The following KLHL1 variants were observed in gnomAD, a reference collection of about 807,000 sequenced individuals.
KLHL1 encodes kelch-like protein 1.
Under a neutral mutation model 77.7 loss-of-function variants are expected in KLHL1, and 47 were observed. That is an observed-to-expected ratio of 0.60 (90% confidence interval 0.48 to 0.77). The LOEUF (loss-of-function observed/expected upper bound fraction) is 0.77. Ranked by LOEUF, KLHL1 falls within the 30% of genes least tolerant of loss-of-function variation. KLHL1 has a pLI of 0.00. For missense variants in KLHL1, 925 were observed against 910.8 expected, an observed-to-expected ratio of 1.02 and a Z score of -0.20; for synonymous variants, 360 against 325.2, an observed-to-expected ratio of 1.11 and a Z score of -1.15.
At chr13:69,793,254 A>T (rs1267858393) in intron 7 of KLHL1, among the ~76,000 whole-genome samples, 1 of 152,104 alleles carries the variant, frequency 6.6e-6, no homozygotes, top group African/African-American at 2.4e-5. Context: ...ATATAGAATT[A>T]TATGCTTAAA....
chr13:69,993,352 A>G (rs1368392625), intron 1 of KLHL1, among the ~76,000 whole-genome samples: 2 of 151,938 alleles, frequency 1.3e-5, no homozygotes, highest in African/African-American at 4.8e-5. Flanking sequence ...TCTTCATTTA[A>G]CTCCAAATGA....
intron 1 of KLHL1, among the ~76,000 whole-genome samples, chr13:70,065,357 T>G (rs552953679): frequency 9.9e-5 from 15 of 152,256 alleles, no homozygotes; most frequent in Non-Finnish European, 1.5e-4. Context: ...CAACTCCAGA[T>G]TCTTAGTCAA....
intron 7 of KLHL1, among the ~76,000 whole-genome samples, chr13:69,792,726 T>C (rs1038264037): frequency 5.9e-5 from 9 of 152,138 alleles, no homozygotes; most frequent in African/African-American, 2.2e-4. Context: ...AATATCGATA[T>C]ACACTACCTG....
intron 5 of KLHL1, among the ~76,000 whole-genome samples, chr13:69,880,350 A>T (rs901147699): frequency 6.6e-6 from 1 of 152,142 alleles, no homozygotes; most frequent in African/African-American, 2.4e-5. Flanking sequence ...TAAACAGAAA[A>T]TATTTCCGTT....
At chr13:69,783,150 G>C (rs185054067) in intron 7 of KLHL1, among the ~76,000 whole-genome samples, 3 of 152,198 alleles carry the variant, frequency 2.0e-5, no homozygotes, top group East Asian at 3.9e-4. Flanking sequence ...AAACAGAAAG[G>C]ACATCCACAA....
At chr13:69,868,491 G>T (rs1311283141) in intron 5 of KLHL1, among the ~76,000 whole-genome samples, 1 of 151,952 alleles carries the variant, frequency 6.6e-6, no homozygotes, top group Non-Finnish European at 1.5e-5. Context: ...AAATTTAAAT[G>T]AAACATTTAT....
At chr13:69,989,526 A>G (rs1884971267) in intron 1 of KLHL1, among the ~76,000 whole-genome samples, 1 of 152,034 alleles carries the variant, frequency 6.6e-6, no homozygotes, top group African/African-American at 2.4e-5. Flanking sequence ...TGGGAATAGC[A>G]TTGAATCTAT....
chr13:69,735,745 C>T (rs1388873990), intron 8 of KLHL1, among the ~76,000 whole-genome samples: 1 of 151,656 alleles, frequency 6.6e-6, no homozygotes, highest in Non-Finnish European at 1.5e-5. Flanking sequence ...AGAGATCCCA[C>T]ATCTTTCTCA....
At chr13:69,765,406 CCTTTG>C in intron 7 of KLHL1, among the ~76,000 whole-genome samples, 1 of 152,166 alleles carries the variant, frequency 6.6e-6, no homozygotes, top group Middle Eastern at 3.4e-3. Flanking sequence ...CTCAGACCAT[CCTTTG>C]CTTTGCTATC....
intron 1 of KLHL1, among the ~76,000 whole-genome samples, chr13:70,068,615 G>A (rs1489583526): frequency 1.3e-5 from 2 of 152,130 alleles, no homozygotes; most frequent in Non-Finnish European, 2.9e-5. Flanking sequence ...GTGTAAAAAT[G>A]TGCCTATTTT....
rs1876951466 is a variant in KLHL1 at position 69,793,293 on chromosome 13, G to A, written c.1639+3445C>T. On this transcript the variant is annotated intron_variant, in intron 7 of 10. Coordinates refer to ENST00000377844, the MANE Select transcript of KLHL1 (RefSeq NM_020866.3). ...TTAAGTGATAAAATAAAAATTTGTAGCATACTGAGAAAAGTGTGGTCTTAA... is the reference window on the plus strand; with the variant it reads ...TTAAGTGATAAAATAAAAATTTGTAACATACTGAGAAAAGTGTGGTCTTAA... Among the ~76,000 whole-genome samples the A allele has an allele frequency of 2.0e-5, 3 of 152,120 alleles. No homozygotes were observed. In the South Asian group the frequency reaches 6.2e-4, roughly 32 times the overall value.
intron 5 of KLHL1, among the ~76,000 whole-genome samples, chr13:69,846,864 A>C (rs1879483341): frequency 5.5e-5 from 1 of 18,218 alleles, no homozygotes; most frequent in African/African-American, 9.1e-5. Flanking sequence ...ATAATACATA[A>C]ATTATGATGC....
intron 7 of KLHL1, among the ~76,000 whole-genome samples, chr13:69,760,980 T>C (rs1243414699): frequency 6.6e-6 from 1 of 152,128 alleles, no homozygotes; most frequent in Admixed American, 6.5e-5. Context: ...TCTCCCATTG[T>C]TGCCAGAGAG....
chr13:69,733,356 A>G (rs1199543381), intron 8 of KLHL1, among the ~76,000 whole-genome samples: 2 of 152,176 alleles, frequency 1.3e-5, no homozygotes, highest in Non-Finnish European at 2.9e-5. Flanking sequence ...GCTAATTTGC[A>G]AACAATGTGA....
intron 4 of KLHL1, among the ~76,000 whole-genome samples, chr13:69,900,537 T>G (rs1474555102): frequency 1.3e-5 from 2 of 152,176 alleles, no homozygotes; most frequent in Non-Finnish European, 2.9e-5. Flanking sequence ...CCCACACCTT[T>G]AGGATTTGTT....
At chr13:69,960,339 A>G (rs771497230) in intron 3 of KLHL1, among the ~76,000 whole-genome samples, 3 of 152,002 alleles carry the variant, frequency 2.0e-5, no homozygotes, top group African/African-American at 2.4e-5. Context: ...TTTGATAACT[A>G]GGCCAGAACC....
intron 4 of KLHL1, among the ~76,000 whole-genome samples, chr13:69,938,369 T>G (rs1305130470): frequency 6.6e-6 from 1 of 152,096 alleles, no homozygotes; most frequent in African/African-American, 2.4e-5. Flanking sequence ...GAATGTTGAG[T>G]ACCTTAGAAA....
intron 6 of KLHL1, among the ~76,000 whole-genome samples, chr13:69,823,884 ATAGAG>A (rs1168009060): frequency 6.6e-6 from 1 of 151,954 alleles, no homozygotes; most frequent in Non-Finnish European, 1.5e-5. Flanking sequence ...CTCCAGTGTA[ATAGAG>A]TAAATTAAAT....
intron 7 of KLHL1, among the ~76,000 whole-genome samples, chr13:69,774,772 G>C (rs988119546): frequency 3.9e-5 from 6 of 152,006 alleles, no homozygotes; most frequent in Non-Finnish European, 7.4e-5. Context: ...TGCAGAATCT[G>C]TTGCTTCTGA....
Sources: gnomAD v4.1 joint callset for allele counts (sites outside exome capture counted in the v4.1 genomes callset) on GRCh38, gnomAD v4.1.1 for gene constraint, MANE v1.5 for transcripts, NCBI Gene and HGNC (gene_info 2026-07-23, HGNC 2026-07-21) for gene names.